TNK2: variants seen among roughly 807,000 people sequenced by gnomAD.
The protein encoded by TNK2 is activated CDC42 kinase 1.
A neutral mutation model predicts 101.8 loss-of-function variants in TNK2; 83 were observed. That is an observed-to-expected ratio of 0.82 (90% CI 0.68 to 0.98). The LOEUF (loss-of-function observed/expected upper bound fraction) is 0.98. Among genes scored for constraint, TNK2 ranks in the 50% least tolerant of loss-of-function variants. The pLI, the probability that TNK2 is intolerant of heterozygous loss-of-function variation, is 0.00. For synonymous variants in TNK2, 804 were observed against 633.0 expected, an observed-to-expected ratio of 1.27 and a Z score of -4.06; for missense variants, 1,665 against 1,483.2, an observed-to-expected ratio of 1.12 and a Z score of -2.01.
intron 6 of TNK2, chr3:195,879,415 AG>A (rs1398558034): frequency 1.1e-5 from 5 of 456,952 alleles, no homozygotes; most frequent in African/African-American, 2.0e-5. Context: ...GGAAGAGGAA[AG>A]GAAGTTTCCC....
Position 195,882,591 on chromosome 3 carries a change from C to G in TNK2, c.610-263G>C. ...TCCAAAACTCAGCTGGACGTGGTGGCTCACGCCTGTAATCCCAGCACTTTG... is the reference window on the plus strand; with the variant it reads ...TCCAAAACTCAGCTGGACGTGGTGGGTCACGCCTGTAATCCCAGCACTTTG... On this transcript the variant is annotated intron_variant, in intron 5 of 15. Coordinates refer to ENST00000672887, the MANE Select transcript of TNK2 (RefSeq NM_001382273.1). The surrounding 1 kb of genome is among the most constrained non-coding windows in gnomAD (Gnocchi z 4.2). 7.0e-7 allele frequency: 1 copy of G among 1,424,434 alleles called. No individual in the cohort carries two copies. The highest frequency in any genetic ancestry group is 9.4e-7 in the Non-Finnish European group (1 of 1,062,968). 88.2% of individuals were successfully genotyped at this position (1,424,434 alleles called of 1,614,324 possible).
rs562347370 is a variant in TNK2, at chr3:195,878,847, G to A, written c.1014+202C>T. 2.6e-5 allele frequency among the ~76,000 whole-genome samples: 4 copies of A among 152,330 alleles called. No homozygotes were observed. The highest frequency in any genetic ancestry group is 1.9e-4 in the East Asian group (1 of 5,180). ...CCAGCTTTTCCCTCCCCGTCTCTTT[G>A]CTGGGCTCTCCCTGAGGCCATACAG... On this transcript the variant is annotated intron_variant, in intron 7 of 15. Transcript: ENST00000672887. This position sits in a 1 kb window ranked among gnomAD's most constrained non-coding sequence, Gnocchi z 4.7.
intron 2 of TNK2, among the ~76,000 whole-genome samples, chr3:195,887,795 G>T (rs1756460508): frequency 6.6e-6 from 1 of 150,706 alleles, no homozygotes; most frequent in South Asian, 2.1e-4. Context: ...GTGTGTACAT[G>T]TGTGTATGCC....
At position 195,872,434 on chromosome 3, in the gene TNK2, C is replaced by T. The variant is rs1346346922; in HGVS notation, c.1293G>A (p.Arg431=). 1 of 1,610,532 alleles carries T rather than the reference C, an allele frequency of 6.2e-7. No homozygotes were observed. Among genetic ancestry groups the T allele is most frequent in the South Asian group, 1.1e-5 (1 of 90,732 alleles). The stretch of plus-strand genomic sequence containing the variant: ...GAGGGAAGGGCCCCACACACAGCGT[C>T]CGTGTGTTCTGGCCACGCCACCAGT... The part of the protein sequence containing the change: ...ENYWWRGQNT[R]TLCVGPFPRN... The change falls in exon 10 of 16, where the codon CGG becomes CGA. Residue 431 remains arginine, a synonymous_variant. Transcript: ENST00000672887.
At chr3:195,866,263 C>G (rs1273884146) in intron 15 of TNK2, among the ~76,000 whole-genome samples, 1 of 151,790 alleles carries the variant, frequency 6.6e-6, no homozygotes, top group Non-Finnish European at 1.5e-5. Flanking sequence ...TGCAGTGGTG[C>G]AATCTCAGCT....
At position 195,868,151 on chromosome 3, in the gene TNK2, G is replaced by T. The variant is rs777846435; in HGVS notation, c.2147C>A (p.Ala716Glu). The change falls in exon 13 of 16, where the codon GCA (alanine) becomes GAA (glutamate). Residue 716 changes from alanine to glutamate, a missense_variant. Coordinates refer to ENST00000672887, the MANE Select transcript of TNK2 (RefSeq NM_001382273.1). ...PQGGGKPPSS[A>E]QTAEIFQALQ... ...CGCCTGGAAGATCTCTGCGGTCTGT[G>T]CGGAGCTGGGCGGCTTGCCCCCACC... The T allele has an allele frequency of 6.2e-7, 1 of 1,611,126 alleles. No homozygotes were observed. The highest frequency in any genetic ancestry group is 1.7e-5 in the Admixed American group (1 of 59,848).
chr3:195,908,386 A>G (rs3747671), intron 1 of TNK2, 99 bp downstream of exon 1: 95,301 of 152,588 alleles, frequency 0.62, 31,218 homozygotes, highest in African/African-American at 0.83. Context: ...GAAAGGCCAA[A>G]AGAACGAGGG....
chr3:195,872,154 C>T (rs928502116), intron 10 of TNK2, 122 bp downstream of exon 10: 357 of 1,129,406 alleles, frequency 3.2e-4, no homozygotes, highest in Non-Finnish European at 4.1e-4. Flanking sequence ...GGGAGAGTGG[C>T]GGGTCGGGGG....
chr3:195,882,497 T>C lies in TNK2; in HGVS notation c.610-169A>G. ...TAGGAGTCCTGCAGTTTCTCAGGCC[T>C]CTCCCTCGAGGCAATTTGGGAAACT... On this transcript the variant is annotated intron_variant, in intron 5 of 15. Transcript: ENST00000672887. This position sits in a 1 kb window ranked among gnomAD's most constrained non-coding sequence, Gnocchi z 4.2. The C allele has an allele frequency of 1.3e-6, 2 of 1,539,536 alleles. No individual in the cohort carries two copies. The highest frequency in any genetic ancestry group is 2.4e-5 in the South Asian group (2 of 83,222).
At chr3:195,892,769 G>T in intron 1 of TNK2, 1 of 1,230,798 alleles carries the variant, frequency 8.1e-7, no homozygotes, top group Non-Finnish European at 1.0e-6. Flanking sequence ...CCTACTCCCC[G>T]GCTTCCCCAC....
chr3:195,870,137 G>T lies in TNK2; in HGVS notation c.1520C>A (p.Pro507His). 4.8e-6 allele frequency: 7 copies of T among 1,473,656 alleles called. No individual in the cohort carries two copies. Among genetic ancestry groups the T allele is most frequent in the South Asian group, 1.4e-5 (1 of 71,486 alleles). 91.3% of individuals were successfully genotyped at this position (1,473,656 alleles called of 1,614,324 possible). A position where few individuals can be genotyped will look rare whatever the true frequency, so the allele number is the denominator to read the frequency against. Residue 507 changes from proline to histidine, a missense_variant, in exon 11 of 16, where the codon CCC (proline) becomes CAC (histidine). Pro to His is a moderately conservative substitution (Grantham distance 77, BLOSUM62 -2). This residue lies in a region of TNK2 where 1,136 missense variants were observed against 894.9 expected (regional missense o/e 1.27). Coordinates refer to ENST00000672887, the MANE Select transcript of TNK2 (RefSeq NM_001382273.1). ...LSVELSTSRP[P>H]QHLGGVKREP... ...ACTTTTCACCCCTCCTAGATGCTGG[G>T]GGGGCCGGGAGGTGCTCAGTTCCAC...
chr3:195,888,358 G>A lies in TNK2; in HGVS notation c.163+68C>T, dbSNP rs1302791601. Reference sequence around the variant, plus strand: ...AGTTCTCAGCTGCCACCCGTGCACCGAGTGGTCCTGAGGACAGAGGACGGA... The same window carrying A: ...AGTTCTCAGCTGCCACCCGTGCACCAAGTGGTCCTGAGGACAGAGGACGGA... On this transcript the variant is annotated intron_variant, in intron 2 of 15. Coordinates refer to ENST00000672887, the MANE Select transcript of TNK2 (RefSeq NM_001382273.1). This position sits in a 1 kb window ranked among gnomAD's most constrained non-coding sequence, Gnocchi z 5.3. 1.4e-5 allele frequency: 22 copies of A among 1,540,954 alleles called. No individual in the cohort carries two copies. Among genetic ancestry groups the A allele is most frequent in the East Asian group, 4.6e-5 (2 of 43,880 alleles).
At chr3:195,870,351 TGACC>T (rs1560484784) in intron 10 of TNK2, 146 bp from the exon 11 acceptor site, 1 of 1,507,072 alleles carries the variant, frequency 6.6e-7, no homozygotes, top group Admixed American at 1.9e-5. Context: ...CCACAGAACC[TGACC>T]GCACGTCTCA....
chr3:195,905,628 C>A (rs754750280), intron 1 of TNK2, among the ~76,000 whole-genome samples: 2 of 151,772 alleles, frequency 1.3e-5, no homozygotes, highest in African/African-American at 4.8e-5. Context: ...CCTTGCACCA[C>A]GTAACAAAAA....
At chr3:195,869,870 A>C in intron 11 of TNK2, 1 of 549,828 alleles carries the variant, frequency 1.8e-6, no homozygotes. Flanking sequence ...GGAAGGAGGG[A>C]GGAGGGACGC....
intron 4 of TNK2, 47 bp from the exon 5 acceptor site, chr3:195,883,356 G>A: frequency 1.2e-6 from 2 of 1,604,980 alleles, no homozygotes; most frequent in Non-Finnish European, 1.7e-6. Flanking sequence ...CCAGGTCCCA[G>A]ACACGCGGAG....
In TNK2 at chr3:195,867,957, TCTC is replaced by T. The variant is rs749894344; in HGVS notation, c.2338_2340del (p.Glu780del). 4 of 1,540,500 alleles carry T rather than the reference TCTC, an allele frequency of 2.6e-6. No individual in the cohort carries two copies. Among genetic ancestry groups the T allele is most frequent in the South Asian group, 1.2e-5 (1 of 83,046 alleles). ...GAAGCAGGTCCAGGCCACTGGCTGG[TCTC>T]CTCCTCGCCCGGGGGGGCTGGAGAC... On this transcript the variant is annotated inframe_deletion, in exon 13 of 16. Transcript: ENST00000672887.
At chr3:195,864,887 G>A (rs570010908) in intron 15 of TNK2, among the ~76,000 whole-genome samples, 54 of 120,352 alleles carry the variant, frequency 4.5e-4, no homozygotes, top group South Asian at 9.3e-4. Context: ...AAGTGCCTGC[G>A]TCCCGGGTGC....
intron 15 of TNK2, among the ~76,000 whole-genome samples, chr3:195,865,412 G>A (rs370287961): frequency 2.9e-4 from 35 of 122,436 alleles, no homozygotes; most frequent in East Asian, 2.1e-3. Flanking sequence ...CCTGCGTCCC[G>A]GGTGCAAATC....
Sources: allele counts gnomAD v4.1 joint callset (sites outside exome capture counted in the v4.1 genomes callset), GRCh38; gene constraint gnomAD v4.1.1; regional missense constraint gnomAD v4.1.1; non-coding constraint Gnocchi (gnomAD v3.1); transcripts MANE v1.5; gene names NCBI Gene and HGNC (gene_info 2026-07-23, HGNC 2026-07-21).